GRM7: variants seen among roughly 807,000 people sequenced by gnomAD.
GRM7 encodes glutamate metabotropic receptor 7.
GRM7 carries 35 observed loss-of-function variants against 84.5 expected under a neutral mutation model. The observed-to-expected ratio is 0.41, with a 90% CI of 0.32 to 0.55. The LOEUF (loss-of-function observed/expected upper bound fraction) is 0.55, where lower values mean the gene tolerates loss of function less well. GRM7 is among the 20% of genes least tolerant of loss of function. The pLI, the probability that GRM7 is intolerant of heterozygous loss-of-function variation, is 0.19. For missense variants in GRM7, 1,003 were observed against 1,194.6 expected, an observed-to-expected ratio of 0.84 and a Z score of 2.36; for synonymous variants, 487 against 455.1, an observed-to-expected ratio of 1.07 and a Z score of -0.89.
intron 1 of GRM7, among the ~76,000 whole-genome samples, chr3:7,103,770 CTT>C (rs1699194202): frequency 1.1e-5 from 1 of 94,022 alleles, no homozygotes; most frequent in Admixed American, 1.0e-4. Context: ...TTCTTTCTTT[CTT>C]TCTTTCTTTC....
At chr3:7,341,674 A>T (rs1296696154) in intron 4 of GRM7, among the ~76,000 whole-genome samples, 1 of 152,156 alleles carries the variant, frequency 6.6e-6, no homozygotes, top group African/African-American at 2.4e-5. Flanking sequence ...AGCACTTAGC[A>T]AGTTACAGAA....
chr3:7,276,621 T>A (rs993318027), intron 2 of GRM7, among the ~76,000 whole-genome samples: 6 of 151,888 alleles, frequency 4.0e-5, no homozygotes, highest in Admixed American at 3.9e-4. Flanking sequence ...AATTGTGAGG[T>A]TCCTTTTGGG....
Position 6,912,855 on chromosome 3 carries a change from TAAGTGAATAA to T in GRM7, c.519+50951_519+50960del, listed in dbSNP as rs780071666. 3.9e-4 allele frequency among the ~76,000 whole-genome samples: 60 copies of T among 152,310 alleles called. 1 individual carries two copies. The Middle Eastern group carries it at 0.01, about 26-fold the overall frequency. On this transcript the variant is annotated intron_variant, in intron 1 of 9. Transcript: ENST00000357716. ...AATTTATGTCAAAATAGGTTGTTAT[TAAGTGAATAA>T]AACCACATTTTCTGTTGTGTTTCAT... is the stretch of plus-strand genomic sequence containing the variant.
At chr3:7,640,765 T>A (rs1698329593) in intron 8 of GRM7, among the ~76,000 whole-genome samples, 2 of 152,150 alleles carry the variant, frequency 1.3e-5, no homozygotes, top group Non-Finnish European at 2.9e-5. Flanking sequence ...ATGAAAATGA[T>A]GTGAAGCTTT....
chr3:7,303,421 G>A (rs756839639), intron 3 of GRM7, among the ~76,000 whole-genome samples: 39 of 151,800 alleles, frequency 2.6e-4, no homozygotes, highest in Non-Finnish European at 4.6e-4. Context: ...TAATGTGTAC[G>A]TGTTACAATT....
chr3:7,193,305 A>G (rs1321946660), intron 2 of GRM7, among the ~76,000 whole-genome samples: 1 of 152,148 alleles, frequency 6.6e-6, no homozygotes, highest in African/African-American at 2.4e-5. Flanking sequence ...ATTAATTTAT[A>G]GGTAGAGACA....
At chr3:6,918,163 A>G (rs1258119751) in intron 1 of GRM7, among the ~76,000 whole-genome samples, 1 of 152,216 alleles carries the variant, frequency 6.6e-6, no homozygotes, top group African/African-American at 2.4e-5. Context: ...CAGAAGAGGA[A>G]ACAAAGGCTG....
At chr3:6,979,931 G>A (rs1299585227) in intron 1 of GRM7, among the ~76,000 whole-genome samples, 1 of 152,092 alleles carries the variant, frequency 6.6e-6, no homozygotes, top group Non-Finnish European at 1.5e-5. Flanking sequence ...ATGTCATTCT[G>A]TGAGGGGTAA....
chr3:6,920,396 A>G (rs1466599869), intron 1 of GRM7, among the ~76,000 whole-genome samples: 1 of 152,032 alleles, frequency 6.6e-6, no homozygotes, highest in Admixed American at 6.6e-5. Flanking sequence ...CTCTACAAAA[A>G]TACAAAAAAT....
intron 9 of GRM7, among the ~76,000 whole-genome samples, chr3:7,688,494 A>T (rs1026363716): frequency 2.0e-5 from 3 of 152,154 alleles, no homozygotes; most frequent in African/African-American, 7.2e-5. Flanking sequence ...TTTAAATGTG[A>T]CTTTAAACAT....
At chr3:7,663,859 G>A (rs552159280) in intron 8 of GRM7, among the ~76,000 whole-genome samples, 4 of 152,248 alleles carry the variant, frequency 2.6e-5, no homozygotes, top group Admixed American at 2.6e-4. Context: ...AAGTGAAAGA[G>A]GAAACTAGAA....
intron 7 of GRM7, among the ~76,000 whole-genome samples, chr3:7,489,679 G>T (rs144298064): frequency 6.6e-6 from 1 of 152,046 alleles, no homozygotes; most frequent in Non-Finnish European, 1.5e-5. Context: ...GCATAATATT[G>T]CTTACAATAC....
chr3:7,575,942 T>G (rs76091044), intron 7 of GRM7, among the ~76,000 whole-genome samples: 4,506 of 152,348 alleles, frequency 0.03, 84 homozygotes, highest in Non-Finnish European at 0.04. Flanking sequence ...TTAAACTGGC[T>G]GTAAAGTATT....
chr3:7,670,994 CA>C (rs1699896983), intron 8 of GRM7, among the ~76,000 whole-genome samples: 1 of 152,192 alleles, frequency 6.6e-6, no homozygotes, highest in Non-Finnish European at 1.5e-5. Flanking sequence ...AGAGATCTAA[CA>C]TTTTTAGTGC....
At chr3:7,200,370 T>C (rs1225625674) in intron 2 of GRM7, among the ~76,000 whole-genome samples, 1 of 152,250 alleles carries the variant, frequency 6.6e-6, no homozygotes, top group Non-Finnish European at 1.5e-5. Flanking sequence ...GTTATGTTTT[T>C]ACTTTCATGA....
At chr3:7,509,434 T>C (rs1157969158) in intron 7 of GRM7, among the ~76,000 whole-genome samples, 4 of 152,204 alleles carry the variant, frequency 2.6e-5, no homozygotes, top group Non-Finnish European at 5.9e-5. Context: ...GGGTACTATC[T>C]GGCGTCTACT....
At chr3:7,451,082 C>G (rs1352875429) in intron 5 of GRM7, among the ~76,000 whole-genome samples, 1 of 152,126 alleles carries the variant, frequency 6.6e-6, no homozygotes, top group Non-Finnish European at 1.5e-5. Flanking sequence ...CTTCACTACA[C>G]AAATGTGCCG....
At chr3:7,705,882 A>G (rs1701370273) in intron 9 of GRM7, among the ~76,000 whole-genome samples, 1 of 152,212 alleles carries the variant, frequency 6.6e-6, no homozygotes, top group South Asian at 2.1e-4. Flanking sequence ...GATAAAGAGT[A>G]CCATGATCTA....
intron 1 of GRM7, among the ~76,000 whole-genome samples, chr3:6,981,270 T>TA (rs1694188859): frequency 1.3e-5 from 2 of 152,320 alleles, no homozygotes; most frequent in Non-Finnish European, 2.9e-5. Flanking sequence ...AGAACTCTGT[T>TA]ATAGTTACAC....
Sources: allele counts gnomAD v4.1 joint callset (sites outside exome capture counted in the v4.1 genomes callset), GRCh38; gene constraint gnomAD v4.1.1; transcripts MANE v1.5; gene names NCBI Gene and HGNC (gene_info 2026-07-23, HGNC 2026-07-21).